ZDHHC20: variants seen among roughly 807,000 people sequenced by gnomAD.
ZDHHC20 encodes the protein palmitoyltransferase ZDHHC20.
ZDHHC20 carries 43 observed loss-of-function variants against 57.8 expected under a neutral mutation model. The observed-to-expected ratio is 0.74, with a 90% CI of 0.58 to 0.96. ZDHHC20 has a LOEUF of 0.96. Among genes scored for constraint, ZDHHC20 ranks in the 40% least tolerant of loss-of-function variants. The pLI, the probability that ZDHHC20 is intolerant of heterozygous loss-of-function variation, is 0.00. For synonymous variants in ZDHHC20, 157 were observed against 153.0 expected (o/e 1.03, Z -0.19); for missense variants, 391 against 441.1 (o/e 0.89, Z 1.02).
chr13:21,377,442 ACT>A (rs763883756), intron 12 of ZDHHC20, among the ~76,000 whole-genome samples: 466 of 73,736 alleles, frequency 6.3e-3, no homozygotes, highest in Non-Finnish European at 9.2e-3. Context: ...CTGTGATCTG[ACT>A]CTGCCCGACG....
rs1871759083 is a variant in ZDHHC20, at chr13:21,374,653, C to A, written c.*2043G>T. ...CCAAATTATGTTTTCAAAGCTAACTCATTCCTTTGGTTCAAAAAGAAAAAA... is the reference window on the plus strand; with the variant it reads ...CCAAATTATGTTTTCAAAGCTAACTAATTCCTTTGGTTCAAAAAGAAAAAA... On this transcript the variant is annotated 3_prime_UTR_variant, in exon 13 of 13. Coordinates refer to ENST00000400590, the MANE Select transcript of ZDHHC20 (RefSeq NM_001330059.2). 1 of 233,364 alleles carries A rather than the reference C, an allele frequency of 4.3e-6. No homozygotes were observed. Among genetic ancestry groups the A allele is most frequent in the Admixed American group, 4.7e-5 (1 of 21,144 alleles). The allele number at this position is 233,364 out of a possible 1,614,324, so 14.5% of individuals were successfully genotyped here.
In ZDHHC20 at chr13:21,413,686, T is replaced by C. The variant is rs371363106; in HGVS notation, c.336A>G (p.Arg112=). The part of the protein sequence containing the change: ...RQQEILRRAA[R]ALPIYTTSAS... ...CTGATGTGGTATAGATAGGTAAAGC[T>C]CTTGCTGCTCTTCTCAAAATTTCTT... The change falls in exon 4 of 13, where the codon AGA becomes AGG. Residue 112 remains arginine, a synonymous_variant. Transcript: ENST00000400590. 2 of 1,610,516 alleles carry C rather than the reference T, an allele frequency of 1.2e-6. No individual in the cohort carries two copies. The highest frequency in any genetic ancestry group is 1.7e-6 in the Non-Finnish European group (2 of 1,179,348).
At chr13:21,380,656 G>A (rs1873192649) in intron 11 of ZDHHC20, among the ~76,000 whole-genome samples, 3 of 151,708 alleles carry the variant, frequency 2.0e-5, no homozygotes, top group East Asian at 4.1e-4. Flanking sequence ...GCTGGGCATG[G>A]TGGCAACCAC....
At chr13:21,413,178 G>A (rs1879466824) in intron 4 of ZDHHC20, among the ~76,000 whole-genome samples, 1 of 151,986 alleles carries the variant, frequency 6.6e-6, no homozygotes, top group African/African-American at 2.4e-5. Context: ...AAGGGCTTTG[G>A]AACTAGACAA....
chr13:21,424,572 G>T (rs535891497), intron 2 of ZDHHC20, among the ~76,000 whole-genome samples: 5 of 152,118 alleles, frequency 3.3e-5, no homozygotes, highest in African/African-American at 9.6e-5. Context: ...TTAGCCAGGC[G>T]TGGTGGCAGG....
chr13:21,434,174 G>A (rs1882307895), intron 1 of ZDHHC20, among the ~76,000 whole-genome samples: 1 of 152,034 alleles, frequency 6.6e-6, no homozygotes, highest in East Asian at 1.9e-4. Flanking sequence ...AGTTGATACC[G>A]ATATTTCCAA....
intron 1 of ZDHHC20, among the ~76,000 whole-genome samples, chr13:21,448,501 G>A (rs1183999202): frequency 3.0e-5 from 3 of 98,700 alleles, no homozygotes; most frequent in African/African-American, 6.5e-5. Context: ...CAGCCGCCCC[G>A]TCCGGGAGGT....
intron 1 of ZDHHC20, among the ~76,000 whole-genome samples, chr13:21,455,914 T>C (rs998554910): frequency 6.6e-6 from 1 of 152,140 alleles, no homozygotes; most frequent in Non-Finnish European, 1.5e-5. Flanking sequence ...ATTAATTGTA[T>C]AGTGGTTAAC....
intron 1 of ZDHHC20, among the ~76,000 whole-genome samples, chr13:21,444,689 G>A (rs1421341487): frequency 2.6e-5 from 4 of 152,194 alleles, no homozygotes; most frequent in African/African-American, 4.8e-5. Flanking sequence ...AGGTATATCC[G>A]TCCCCTACCG....
rs1179549252 is a variant in ZDHHC20 at position 21,447,444 on chromosome 13, C to T, written c.118+11610G>A. 6.1e-5 allele frequency among the ~76,000 whole-genome samples: 9 copies of T among 148,244 alleles called. No individual in the cohort carries two copies. The East Asian group carries it at 9.9e-4, about 16-fold the overall frequency. Reference sequence around the variant, plus strand: ...AGTGCCTGCGATTGCAGGCACGCGCCGCCACGCCTGACTGGTTTTGGTGGA... The same window carrying T: ...AGTGCCTGCGATTGCAGGCACGCGCTGCCACGCCTGACTGGTTTTGGTGGA... On this transcript the variant is annotated intron_variant, in intron 1 of 12. Transcript: ENST00000400590.
At chr13:21,455,613 A>G (rs1884850949) in intron 1 of ZDHHC20, among the ~76,000 whole-genome samples, 1 of 149,576 alleles carries the variant, frequency 6.7e-6, no homozygotes, top group Non-Finnish European at 1.5e-5. Context: ...TTTTGTCCTC[A>G]GTATTACTCC....
At chr13:21,446,956 G>A (rs1465315177) in intron 1 of ZDHHC20, among the ~76,000 whole-genome samples, 1 of 152,124 alleles carries the variant, frequency 6.6e-6, no homozygotes, top group Non-Finnish European at 1.5e-5. Flanking sequence ...CCATGGTAAG[G>A]CTTTTAGATA....
intron 1 of ZDHHC20, among the ~76,000 whole-genome samples, chr13:21,441,927 A>G (rs998157826): frequency 6.6e-6 from 1 of 152,112 alleles, no homozygotes; most frequent in Non-Finnish European, 1.5e-5. Context: ...TGAATGTGGT[A>G]ATTAATTCCG....
rs367803139 is a variant in ZDHHC20 at position 21,430,497 on chromosome 13, G to A, written c.119-4819C>T. ...TGATACTATCCCAGCAGGAATACTG[G>A]GGAAGAGACACAGGAGGGGGGTCTT... On this transcript the variant is annotated intron_variant, in intron 1 of 12. Transcript: ENST00000400590. Among the ~76,000 whole-genome samples, 21 of 151,968 alleles carry A rather than the reference G, an allele frequency of 1.4e-4. No homozygotes were observed. The South Asian group carries it at 1.9e-3, about 14-fold the overall frequency.
intron 1 of ZDHHC20, among the ~76,000 whole-genome samples, chr13:21,445,214 A>G (rs898565852): frequency 4.6e-5 from 7 of 152,170 alleles, no homozygotes; most frequent in Non-Finnish European, 7.3e-5. Flanking sequence ...AATAGAGCTT[A>G]TAAATTATTA....
intron 6 of ZDHHC20, 51 bp from the exon 7 acceptor site, chr13:21,400,544 C>T: frequency 1.3e-6 from 2 of 1,510,146 alleles, no homozygotes; most frequent in Non-Finnish European, 1.8e-6. Flanking sequence ...ATCACAAATT[C>T]ACAGAAATAG....
chr13:21,402,454 T>TA (rs1186934403), intron 5 of ZDHHC20, among the ~76,000 whole-genome samples: 1 of 152,210 alleles, frequency 6.6e-6, no homozygotes, highest in Non-Finnish European at 1.5e-5. Flanking sequence ...GTAACTGTGT[T>TA]ACTAAAAGTC....
chr13:21,433,251 G>C (rs1593259651), intron 1 of ZDHHC20, among the ~76,000 whole-genome samples: 1 of 152,048 alleles, frequency 6.6e-6, no homozygotes, highest in African/African-American at 2.4e-5. Flanking sequence ...CTCCTGAGTA[G>C]CTAGACAGCT....
At chr13:21,428,374 C>A (rs112905893) in intron 1 of ZDHHC20, among the ~76,000 whole-genome samples, 2,657 of 151,766 alleles carry the variant, frequency 0.018, 69 homozygotes, top group African/African-American at 0.061. Context: ...GTGCACGCCA[C>A]CATGCCTGGC....
Sources: gnomAD v4.1 joint callset for allele counts (sites outside exome capture counted in the v4.1 genomes callset) on GRCh38, gnomAD v4.1.1 for gene constraint, MANE v1.5 for transcripts, NCBI Gene and HGNC (gene_info 2026-07-23, HGNC 2026-07-21) for gene names.